CPQ: variants seen among roughly 807,000 people sequenced by gnomAD.
CPQ encodes Ser-Met dipeptidase.
Under a neutral mutation model 45.7 loss-of-function variants are expected in CPQ, and 37 were observed. That is an observed-to-expected ratio of 0.81 (90% CI 0.62 to 1.07). The LOEUF is 1.07. CPQ is among the 50% of genes least tolerant of loss of function. The pLI is 0.00. For missense variants in CPQ, 537 were observed against 572.9 expected (o/e 0.94, Z 0.64); for synonymous variants, 186 against 205.8 (o/e 0.90, Z 0.82).
intron 7 of CPQ, among the ~76,000 whole-genome samples, chr8:97,086,406 G>C (rs554886060): frequency 6.6e-6 from 1 of 151,980 alleles, no homozygotes; most frequent in African/African-American, 2.4e-5. Flanking sequence ...TCTGTTTTAC[G>C]AATAAGAATT....
chr8:97,109,444 G>T (rs1286392396), intron 7 of CPQ, among the ~76,000 whole-genome samples: 2 of 151,964 alleles, frequency 1.3e-5, no homozygotes, highest in Non-Finnish European at 2.9e-5. Context: ...TGTCTGTCAG[G>T]GGTTCTCATT....
intron 1 of CPQ, among the ~76,000 whole-genome samples, chr8:96,771,305 G>A (rs1009270224): frequency 3.3e-5 from 5 of 151,622 alleles, no homozygotes; most frequent in Admixed American, 3.3e-4. Flanking sequence ...TACAACTCTA[G>A]TAGAATGTCA....
At chr8:96,952,829 T>C (rs184429518) in intron 4 of CPQ, among the ~76,000 whole-genome samples, 6 of 152,212 alleles carry the variant, frequency 3.9e-5, no homozygotes, top group Admixed American at 3.9e-4. Context: ...AACAGGCAAA[T>C]GTAGAAATAA....
At chr8:97,087,753 T>C (rs1811064142) in intron 7 of CPQ, among the ~76,000 whole-genome samples, 1 of 152,176 alleles carries the variant, frequency 6.6e-6, no homozygotes, top group South Asian at 2.1e-4. Context: ...TGTTGAAAGA[T>C]TAATTTGAAA....
intron 4 of CPQ, among the ~76,000 whole-genome samples, chr8:96,919,760 C>T (rs1331133344): frequency 6.6e-6 from 1 of 152,118 alleles, no homozygotes; most frequent in East Asian, 1.9e-4. Context: ...AATTTTATTT[C>T]TGTGCAGATT....
At chr8:97,067,448 T>G (rs770580213) in intron 7 of CPQ, among the ~76,000 whole-genome samples, 16 of 152,212 alleles carry the variant, frequency 1.1e-4, no homozygotes, top group Non-Finnish European at 2.1e-4. Flanking sequence ...CATTGCTGTA[T>G]TCAGAAATAT....
chr8:96,781,382 T>C (rs1188002816), intron 1 of CPQ, among the ~76,000 whole-genome samples: 2 of 152,084 alleles, frequency 1.3e-5, no homozygotes, highest in Admixed American at 1.3e-4. Flanking sequence ...AGGCATCACA[T>C]AGTGGAAGGG....
intron 1 of CPQ, among the ~76,000 whole-genome samples, chr8:96,710,440 G>A (rs1450375970): frequency 6.6e-6 from 1 of 152,014 alleles, no homozygotes; most frequent in Non-Finnish European, 1.5e-5. Context: ...GTGACATTAG[G>A]TTATTAATTT....
At chr8:96,698,961 C>T (rs1809421812) in intron 1 of CPQ, among the ~76,000 whole-genome samples, 1 of 152,130 alleles carries the variant, frequency 6.6e-6, no homozygotes, top group South Asian at 2.1e-4. Context: ...ACCATAAGAT[C>T]CAGCAATCCC....
intron 1 of CPQ, among the ~76,000 whole-genome samples, chr8:96,763,624 T>G (rs1393014656): frequency 1.3e-5 from 2 of 151,872 alleles, no homozygotes; most frequent in Non-Finnish European, 2.9e-5. Context: ...CACATACACA[T>G]CTGCAAAAAG....
chr8:96,935,350 G>C (rs1339851551), intron 4 of CPQ, among the ~76,000 whole-genome samples: 1 of 152,148 alleles, frequency 6.6e-6, no homozygotes, highest in African/African-American at 2.4e-5. Flanking sequence ...AATTTGGCTT[G>C]AGACATGTGC....
intron 6 of CPQ, among the ~76,000 whole-genome samples, chr8:97,057,186 C>T (rs1810468036): frequency 6.6e-6 from 1 of 152,086 alleles, no homozygotes; most frequent in African/African-American, 2.4e-5. Context: ...TATAGTCACC[C>T]TATCACTCAA....
At chr8:96,774,333 A>G (rs1810580814) in intron 1 of CPQ, among the ~76,000 whole-genome samples, 1 of 152,166 alleles carries the variant, frequency 6.6e-6, no homozygotes, top group Admixed American at 6.5e-5. Context: ...CCATAGCAAA[A>G]TTCATAACCA....
chr8:97,134,883 G>T (rs77535042), intron 7 of CPQ, among the ~76,000 whole-genome samples: 1 of 152,152 alleles, frequency 6.6e-6, no homozygotes. Context: ...TCAGTACACA[G>T]AAAGCACTCA....
At chr8:97,078,032 G>T (rs1810878241) in intron 7 of CPQ, among the ~76,000 whole-genome samples, 1 of 152,080 alleles carries the variant, frequency 6.6e-6, no homozygotes, top group Non-Finnish European at 1.5e-5. Flanking sequence ...ATCACCCAAA[G>T]ATGATTTATT....
chr8:96,678,657 A>G (rs1276434238), intron 1 of CPQ, among the ~76,000 whole-genome samples: 1 of 151,622 alleles, frequency 6.6e-6, no homozygotes, highest in Non-Finnish European at 1.5e-5. Context: ...ATGATTAGTG[A>G]TGCAAAGCAT....
intron 5 of CPQ, among the ~76,000 whole-genome samples, chr8:96,999,862 A>G (rs772133777): frequency 6.6e-6 from 1 of 152,130 alleles, no homozygotes; most frequent in African/African-American, 2.4e-5. Context: ...CCAAAAGTGT[A>G]TAAGTGTTCC....
At position 97,119,872 on chromosome 8, in the gene CPQ, G is replaced by GGTCACCTGGC. The variant is rs1811668324; in HGVS notation, c.1256-23147_1256-23138dup. 2.6e-5 allele frequency among the ~76,000 whole-genome samples: 4 copies of GGTCACCTGGC among 152,224 alleles called. No individual in the cohort carries two copies. In the South Asian group the frequency reaches 8.3e-4, roughly 32 times the overall value. On this transcript the variant is annotated intron_variant, in intron 7 of 7. Transcript: ENST00000220763. ...CAGATCATGCCAACATCTCTGCTGA[G>GGTCACCTGGC]GTCACCTGGCAGCTAGCCATTTTAG...
At chr8:97,122,999 AAATAT>A in intron 7 of CPQ, among the ~76,000 whole-genome samples, 1 of 53,420 alleles carries the variant, frequency 1.9e-5, no homozygotes, top group African/African-American at 1.0e-4. Flanking sequence ...AAATAAAATA[AAATAT>A]AAAATAAAAT....
Sources: allele counts gnomAD v4.1 joint callset (sites outside exome capture counted in the v4.1 genomes callset), GRCh38; gene constraint gnomAD v4.1.1; transcripts MANE v1.5; gene names NCBI Gene and HGNC (gene_info 2026-07-23, HGNC 2026-07-21).